PLOD1: variants seen among roughly 807,000 people sequenced by gnomAD.
The protein encoded by PLOD1 is procollagen-lysine,2-oxoglutarate 5-dioxygenase 1.
In PLOD1, 70 loss-of-function variants were observed where a neutral mutation model predicts 94.7. The observed-to-expected ratio is 0.74, with a 90% confidence interval of 0.61 to 0.90. The LOEUF (loss-of-function observed/expected upper bound fraction) is 0.90. Ranked by LOEUF, PLOD1 falls within the 40% of genes least tolerant of loss-of-function variation. The pLI, the probability that PLOD1 is intolerant of heterozygous loss-of-function variation, is 0.00. For synonymous variants in PLOD1, 417 were observed against 400.2 expected (o/e 1.04, Z -0.50); for missense variants, 905 against 972.7 (o/e 0.93, Z 0.93).
intron 1 of PLOD1, among the ~76,000 whole-genome samples, chr1:11,936,843 TTTTC>T (rs1254249677): frequency 8.5e-5 from 10 of 117,012 alleles, no homozygotes; most frequent in Non-Finnish European, 3.5e-5. Flanking sequence ...ATTTCTTTTC[TTTTC>T]TTTCTTTTTT....
intron 16 of PLOD1, among the ~76,000 whole-genome samples, chr1:11,970,326 G>A (rs920001216): frequency 2.0e-5 from 3 of 152,162 alleles, no homozygotes; most frequent in Non-Finnish European, 4.4e-5. Flanking sequence ...CCAGCTACAC[G>A]GGAGGGTGAG....
intron 1 of PLOD1, among the ~76,000 whole-genome samples, chr1:11,935,693 C>G (rs1465378100): frequency 6.6e-6 from 1 of 151,088 alleles, no homozygotes; most frequent in African/African-American, 2.4e-5. Flanking sequence ...GGCACAATCT[C>G]AGCTCACTGC....
At position 11,966,278 on chromosome 1, in the gene PLOD1, A is replaced by T; in HGVS notation, c.1612A>T (p.Asn538Tyr). 1 of 1,607,936 alleles carries T rather than the reference A, an allele frequency of 6.2e-7. No individual in the cohort carries two copies. The highest frequency in any genetic ancestry group is 8.5e-7 in the Non-Finnish European group (1 of 1,177,128). Residue 538 changes from asparagine to tyrosine, a missense_variant, in exon 15 of 19, where the codon AAC becomes TAC. Transcript: ENST00000196061. ...EDWKEKYIHQNYTKALAGKLV... is the reference protein window; with the variant it reads ...EDWKEKYIHQYYTKALAGKLV... ...CTGGAAGGAGAAGTACATCCACCAG[A>T]ACTACACCAAAGCCCTGGCAGGGAA...
intron 5 of PLOD1, 48 bp downstream of exon 5, chr1:11,952,783 G>A (rs2100746678): frequency 1.5e-6 from 2 of 1,354,196 alleles, no homozygotes; most frequent in East Asian, 2.3e-5. Flanking sequence ...GGATCCACCG[G>A]CCAGGCTGCA....
chr1:11,944,594 T>C (rs1209240383), intron 1 of PLOD1: 2 of 1,363,398 alleles, frequency 1.5e-6, no homozygotes, highest in East Asian at 9.1e-5. Flanking sequence ...TTCACCGTCC[T>C]GGCAGGAGCT....
At chr1:11,959,714 T>C (rs919763832) in intron 9 of PLOD1, among the ~76,000 whole-genome samples, 5 of 150,116 alleles carry the variant, frequency 3.3e-5, no homozygotes, top group African/African-American at 1.2e-4. Context: ...GCCTCCCAGG[T>C]TCAAGCCATT....
intron 10 of PLOD1, 32 bp downstream of exon 10, chr1:11,960,799 C>T (rs2100754396): frequency 6.2e-7 from 1 of 1,611,116 alleles, no homozygotes; most frequent in African/African-American, 1.3e-5. Flanking sequence ...TCTCCACTGA[C>T]AGTGGGGGCA....
chr1:11,954,649 G>A (rs1430369784), intron 5 of PLOD1, 181 bp from the exon 6 acceptor site: 6 of 771,046 alleles, frequency 7.8e-6, no homozygotes, highest in Non-Finnish European at 1.5e-5. Context: ...CTAGACTGTA[G>A]ACCCCAGGAG....
intron 1 of PLOD1, among the ~76,000 whole-genome samples, chr1:11,945,865 C>T (rs1048224286): frequency 3.3e-5 from 5 of 152,000 alleles, no homozygotes; most frequent in East Asian, 1.9e-4. Context: ...CATGCCACCA[C>T]GCCCAGCTAA....
intron 6 of PLOD1, among the ~76,000 whole-genome samples, chr1:11,955,329 T>C (rs1645730755): frequency 6.6e-6 from 1 of 152,236 alleles, no homozygotes; most frequent in South Asian, 2.1e-4. Context: ...CCTGGCCTCA[T>C]GTCTGTGGCT....
At chr1:11,949,055 G>C (rs571754603) in intron 2 of PLOD1, among the ~76,000 whole-genome samples, 1 of 152,180 alleles carries the variant, frequency 6.6e-6, no homozygotes, top group Non-Finnish European at 1.5e-5. Context: ...AGCAAAGTGA[G>C]GGCCTTGTGT....
At chr1:11,973,590 T>C (rs1470042612) in intron 18 of PLOD1, among the ~76,000 whole-genome samples, 3 of 152,048 alleles carry the variant, frequency 2.0e-5, no homozygotes, top group African/African-American at 4.8e-5. Flanking sequence ...CTTTTTTTTT[T>C]CTTTTTCGAG....
chr1:11,950,802 T>C (rs1448095311), intron 4 of PLOD1, among the ~76,000 whole-genome samples: 1 of 151,990 alleles, frequency 6.6e-6, no homozygotes, highest in Non-Finnish European at 1.5e-5. Flanking sequence ...TCTACTACTT[T>C]TTAAATTTTG....
intron 18 of PLOD1, among the ~76,000 whole-genome samples, chr1:11,973,391 C>A (rs576379944): frequency 1.3e-4 from 19 of 151,930 alleles, no homozygotes; most frequent in African/African-American, 4.3e-4. Context: ...TCTTAGCTAC[C>A]CAGAAGGCTG....
chr1:11,944,436 C>CAA (rs200129470), intron 1 of PLOD1: 44,349 of 807,712 alleles, frequency 0.055, 1,085 homozygotes, highest in South Asian at 0.12. Context: ...CACACACACA[C>CAA]ACACACACAC....
chr1:11,941,154 G>T (rs562928604), intron 1 of PLOD1, among the ~76,000 whole-genome samples: 2 of 152,336 alleles, frequency 1.3e-5, no homozygotes, highest in East Asian at 3.9e-4. Flanking sequence ...ATAAGATAAT[G>T]AATGTAACAT....
chr1:11,948,835 T>C (rs1231267097), intron 2 of PLOD1, among the ~76,000 whole-genome samples: 1 of 152,202 alleles, frequency 6.6e-6, no homozygotes, highest in African/African-American at 2.4e-5. Flanking sequence ...GGCTGAGCCC[T>C]GCAGGGAGAC....
At chr1:11,950,034 G>C in intron 3 of PLOD1, 128 bp downstream of exon 3, 1 of 1,001,160 alleles carries the variant, frequency 1.0e-6, no homozygotes, top group Non-Finnish European at 1.6e-6. Context: ...TAGTTTTAGG[G>C]TGTCCATTCC....
chr1:11,967,386 A>G (rs1645826224), intron 16 of PLOD1, among the ~76,000 whole-genome samples: 1 of 151,196 alleles, frequency 6.6e-6, no homozygotes, highest in Non-Finnish European at 1.5e-5. Context: ...GGTTCCCTAG[A>G]CTTCCCCCAG....
Sources: allele counts gnomAD v4.1 joint callset (sites outside exome capture counted in the v4.1 genomes callset), GRCh38; gene constraint gnomAD v4.1.1; transcripts MANE v1.5; gene names NCBI Gene and HGNC (gene_info 2026-07-23, HGNC 2026-07-21).